SLCO1B3: variants seen among roughly 807,000 people sequenced by gnomAD.
The protein encoded by SLCO1B3 is solute carrier organic anion transporter family member 1B3.
Under a neutral mutation model 71.8 loss-of-function variants are expected in SLCO1B3, and 72 were observed. The observed-to-expected ratio is 1.00, with a 90% CI of 0.83 to 1.22. SLCO1B3 has a LOEUF of 1.22. SLCO1B3 is among the 50% of genes most tolerant of loss of function. The pLI is 0.00. For synonymous variants in SLCO1B3, 298 were observed against 278.4 expected (o/e 1.07, Z -0.70); for missense variants, 911 against 819.7 (o/e 1.11, Z -1.36).
intron 3 of SLCO1B3, among the ~76,000 whole-genome samples, chr12:20,838,267 T>C (rs542082723): frequency 6.6e-6 from 1 of 152,186 alleles, no homozygotes; most frequent in East Asian, 1.9e-4. Flanking sequence ...TTAATATAGC[T>C]ATTCCTGATT....
intron 4 of SLCO1B3, among the ~76,000 whole-genome samples, chr12:20,855,563 C>T (rs1008073799): frequency 2.6e-5 from 4 of 151,808 alleles, no homozygotes; most frequent in African/African-American, 4.8e-5. Context: ...TGAGGGAGGA[C>T]GATAATTCTT....
intron 3 of SLCO1B3, among the ~76,000 whole-genome samples, chr12:20,840,630 A>G (rs797019659): frequency 3.3e-5 from 5 of 152,000 alleles, no homozygotes; most frequent in African/African-American, 1.2e-4. Context: ...TGACCTCACA[A>G]TCCACCAGCT....
chr12:20,883,570 A>G lies in SLCO1B3; in HGVS notation c.1650A>G (p.Thr550=), dbSNP rs763443499. The change falls in exon 13 of 16, where the codon ACA becomes ACG. Residue 550 remains threonine (T), a synonymous_variant. Transcript: ENST00000381545. ...IQVINSLFSA[T]GGTTFILLTV... is the part of the protein sequence containing the mutation. ...TCATAAACTCTTTGTTCTCTGCAAC[A>G]GGAGGTACCACATTTATCTTGTTGA... The G allele has an allele frequency of 6.3e-7, 1 of 1,597,554 alleles. No individual in the cohort carries two copies. The highest frequency in any genetic ancestry group is 8.5e-7 in the Non-Finnish European group (1 of 1,174,276).
intron 3 of SLCO1B3, among the ~76,000 whole-genome samples, chr12:20,853,753 T>C (rs1049773241): frequency 1.3e-5 from 2 of 152,060 alleles, no homozygotes; most frequent in Middle Eastern, 3.4e-3. Flanking sequence ...TAATATTTTC[T>C]TCGTCTCTTA....
At chr12:20,879,205 C>CCTTT (rs1865639363) in intron 10 of SLCO1B3, among the ~76,000 whole-genome samples, 1 of 95,208 alleles carries the variant, frequency 1.1e-5, no homozygotes, top group African/African-American at 3.9e-5. Context: ...ACCCTTCTCT[C>CCTTT]TTTTTTTTTT....
intron 3 of SLCO1B3, among the ~76,000 whole-genome samples, chr12:20,834,861 C>T (rs566794758): frequency 6.6e-6 from 1 of 152,302 alleles, no homozygotes; most frequent in Admixed American, 6.5e-5. Flanking sequence ...CTCCACTAGG[C>T]AGTGCCCCAG....
Position 20,823,975 on chromosome 12 carries a change from C to T in SLCO1B3, c.84+8153C>T, listed in dbSNP as rs898057441. Among the ~76,000 whole-genome samples, 7 of 152,006 alleles carry T rather than the reference C, an allele frequency of 4.6e-5. No homozygotes were observed. The East Asian group carries it at 5.8e-4, about 13-fold the overall frequency. ...GGACTTAGTAAAATAACGAGTGTCT[C>T]GAATTACGTCCTGTGATAAAAGAAA... On this transcript the variant is annotated intron_variant, in intron 3 of 15. Transcript: ENST00000381545.
intron 3 of SLCO1B3, among the ~76,000 whole-genome samples, chr12:20,828,557 T>C (rs1864474976): frequency 6.6e-6 from 1 of 151,990 alleles, no homozygotes; most frequent in Non-Finnish European, 1.5e-5. Flanking sequence ...CTGAGCTGTT[T>C]CTTCTCAGCC....
intron 2 of SLCO1B3, among the ~76,000 whole-genome samples, chr12:20,814,610 G>A (rs1046209762): frequency 6.6e-6 from 1 of 152,096 alleles, no homozygotes; most frequent in Non-Finnish European, 1.5e-5. Context: ...GCATATTAAG[G>A]CTGGGCGCGG....
Position 20,877,899 on chromosome 12 carries a change from G to T in SLCO1B3, c.1098G>T (p.Gln366His). 1 of 1,591,852 alleles carries T rather than the reference G, an allele frequency of 6.3e-7. No homozygotes were observed. Among genetic ancestry groups the T allele is most frequent in the Non-Finnish European group, 8.5e-7 (1 of 1,171,602 alleles). Residue 366 changes from glutamine (Q) to histidine (H), a missense_variant, in exon 10 of 16, where the codon CAG becomes CAT. Transcript: ENST00000381545. ...FTYVFKYMEQ[Q>H]YGQSASHANF... ...ACGTCTTTAAATATATGGAGCAACA[G>T]TACGGTCAGTCTGCATCTCATGCTA...
At chr12:20,895,795 G>T (rs73233626) in intron 13 of SLCO1B3, among the ~76,000 whole-genome samples, 1 of 152,174 alleles carries the variant, frequency 6.6e-6, no homozygotes, top group Non-Finnish European at 1.5e-5. Flanking sequence ...GACATTTTCC[G>T]TTCATACTGC....
At chr12:20,829,575 C>T (rs1864496499) in intron 3 of SLCO1B3, among the ~76,000 whole-genome samples, 1 of 151,890 alleles carries the variant, frequency 6.6e-6, no homozygotes, top group African/African-American at 2.4e-5. Flanking sequence ...GCAAAATGTG[C>T]AATTGGTTTT....
In SLCO1B3 at chr12:20,810,983, T is replaced by C. The variant is rs185070069; in HGVS notation, c.-181+219T>C. Among the ~76,000 whole-genome samples, 233 of 152,274 alleles carry C rather than the reference T, an allele frequency of 1.5e-3. 3 individuals carry two copies. Among genetic ancestry groups the C allele is most frequent in the Non-Finnish European group, 4.1e-4 (28 of 68,014 alleles). On this transcript the variant is annotated intron_variant, in intron 1 of 15. Transcript: ENST00000381545. ...TATACTCAAAAATAAGAGTAAATCA[T>C]ACCTTTATAAAGTGAAAAATAAAGT...
intron 3 of SLCO1B3, among the ~76,000 whole-genome samples, chr12:20,841,742 A>T (rs185016851): frequency 6.6e-6 from 1 of 152,196 alleles, no homozygotes; most frequent in Non-Finnish European, 1.5e-5. Context: ...TCCACCCTCA[A>T]GTAGGCCTCA....
intron 13 of SLCO1B3, among the ~76,000 whole-genome samples, chr12:20,894,075 C>A (rs1402568871): frequency 6.6e-6 from 1 of 152,010 alleles, no homozygotes; most frequent in Admixed American, 6.6e-5. Context: ...TGGAAATTAC[C>A]TCAAGAAACA....
intron 3 of SLCO1B3, among the ~76,000 whole-genome samples, chr12:20,850,903 C>G (rs1009117051): frequency 6.6e-6 from 1 of 152,152 alleles, no homozygotes; most frequent in African/African-American, 2.4e-5. Flanking sequence ...AATGGTTGAG[C>G]TAATTTACAC....
intron 3 of SLCO1B3, among the ~76,000 whole-genome samples, chr12:20,822,594 T>G (rs1864336860): frequency 6.6e-6 from 1 of 152,146 alleles, no homozygotes; most frequent in Non-Finnish European, 1.5e-5. Context: ...TGGGATGGCT[T>G]GGCTTGGGCT....
rs139701147 is a variant in SLCO1B3, at chr12:20,890,452, G to A, written c.1682+6850G>A. On this transcript the variant is annotated intron_variant, in intron 13 of 15. Transcript: ENST00000381545. ...CATGTGGTCAGTTTTTGAAAATGCT[G>A]CATGTGTACATGAGAAGAATGTATA... Among the ~76,000 whole-genome samples the A allele has an allele frequency of 3.7e-3, 566 of 152,296 alleles. 5 individuals are homozygous for A. The highest frequency in any genetic ancestry group is 0.031 in the Admixed American group (471 of 15,302).
At chr12:20,857,410 T>C (rs1865162861) in intron 4 of SLCO1B3, among the ~76,000 whole-genome samples, 1 of 152,032 alleles carries the variant, frequency 6.6e-6, no homozygotes, top group Non-Finnish European at 1.5e-5. Flanking sequence ...ATTTTCTGAA[T>C]ATTTTTCCTT....
Sources: allele counts gnomAD v4.1 joint callset (sites outside exome capture counted in the v4.1 genomes callset), GRCh38; gene constraint gnomAD v4.1.1; transcripts MANE v1.5; gene names NCBI Gene and HGNC (gene_info 2026-07-23, HGNC 2026-07-21).